The following TCF20 variants were observed in gnomAD, a reference collection of about 807,000 sequenced individuals.
The protein encoded by TCF20 is transcription factor 20, also known as SPRE-binding protein.
Under a neutral mutation model 148.6 loss-of-function variants are expected in TCF20, and 3 were observed. That is an observed-to-expected ratio of 0.02 (90% confidence interval 0.01 to 0.05). The LOEUF (loss-of-function observed/expected upper bound fraction) is 0.05, where lower values mean the gene tolerates loss of function less well. Ranked by LOEUF, TCF20 falls within the 10% of genes least tolerant of loss-of-function variation. The pLI is 1.00. For missense variants in TCF20, 2,350 were observed against 2,429.3 expected, an observed-to-expected ratio of 0.97 and a Z score of 0.69; for synonymous variants, 1,049 against 909.5, an observed-to-expected ratio of 1.15 and a Z score of -2.76.
At position 42,279,645 on chromosome 22, in the gene TCF20, G is replaced by A. The variant is rs1926857752; in HGVS notation, c.-37+4182C>T. On this transcript the variant is annotated intron_variant, in intron 1 of 5. Transcript: ENST00000359486. The surrounding 1 kb of genome is among the most constrained non-coding windows in gnomAD (Gnocchi z 4.3). The stretch of plus-strand genomic sequence containing the variant: ...GCTTCTCAGTGCCACAAGTGCTGTT[G>A]CCATCATTCCAGCCTCAGGTGCTCC... Among the ~76,000 whole-genome samples the A allele has an allele frequency of 6.6e-6, 1 of 152,172 alleles. No homozygotes were observed. The highest frequency in any genetic ancestry group is 1.5e-5 in the Non-Finnish European group (1 of 68,040).
chr22:42,207,015 G>T (rs1472804262), intron 2 of TCF20, among the ~76,000 whole-genome samples: 1 of 152,210 alleles, frequency 6.6e-6, no homozygotes, highest in African/African-American at 2.4e-5. Context: ...GAAGCAGACA[G>T]TAATGATGAG....
intron 1 of TCF20, among the ~76,000 whole-genome samples, chr22:42,234,621 C>G (rs188682180): frequency 2.0e-5 from 3 of 152,200 alleles, no homozygotes; most frequent in Admixed American, 2.0e-4. Context: ...TGTCCATAAG[C>G]TAAAAGTCCT....
At chr22:42,239,468 A>C (rs1167143021) in intron 1 of TCF20, among the ~76,000 whole-genome samples, 1 of 133,224 alleles carries the variant, frequency 7.5e-6, no homozygotes. Context: ...AAGAGTGAAA[A>C]TCTCTCTCAG....
At chr22:42,237,442 C>A (rs957422375) in intron 1 of TCF20, among the ~76,000 whole-genome samples, 1 of 152,228 alleles carries the variant, frequency 6.6e-6, no homozygotes, top group Admixed American at 6.5e-5. Flanking sequence ...CCTGCCTCCA[C>A]TGAAGTCCTG....
intron 2 of TCF20, among the ~76,000 whole-genome samples, chr22:42,187,470 G>A (rs1366814178): frequency 1.3e-5 from 2 of 152,184 alleles, no homozygotes; most frequent in African/African-American, 4.8e-5. Context: ...TGTCTCTGTG[G>A]CTGAGTGGTG....
chr22:42,283,004 C>A (rs1285114468), intron 1 of TCF20, among the ~76,000 whole-genome samples: 2 of 152,236 alleles, frequency 1.3e-5, no homozygotes. Context: ...GCCAAATTTG[C>A]ATTTACCACA....
chr22:42,174,898 G>A (rs979487432), intron 3 of TCF20, among the ~76,000 whole-genome samples: 4 of 152,018 alleles, frequency 2.6e-5, no homozygotes, highest in African/African-American at 4.8e-5. Flanking sequence ...AGCCGGGCGT[G>A]GCGGCGGGCG....
chr22:42,236,051 G>A (rs1923854386), intron 1 of TCF20, among the ~76,000 whole-genome samples: 1 of 152,016 alleles, frequency 6.6e-6, no homozygotes, highest in African/African-American at 2.4e-5. Flanking sequence ...AAAATTAGCT[G>A]GGCATGGTGG....
At chr22:42,327,740 C>G (rs1421765094) in intron 1 of TCF20, among the ~76,000 whole-genome samples, 2 of 151,360 alleles carry the variant, frequency 1.3e-5, no homozygotes, top group Non-Finnish European at 2.9e-5. Context: ...GCTCTAAGGA[C>G]ATTCCAGATT....
chr22:42,215,706 C>T (rs897587629), intron 1 of TCF20, among the ~76,000 whole-genome samples: 12 of 152,058 alleles, frequency 7.9e-5, no homozygotes, highest in Non-Finnish European at 1.5e-4. Context: ...CTCCTGACCT[C>T]GTGATCCGCC....
Position 42,297,712 on chromosome 22 carries a change from C to T in TCF20, c.-37+45767G>A, listed in dbSNP as rs1335220911. Among the ~76,000 whole-genome samples the T allele has an allele frequency of 6.6e-6, 1 of 152,212 alleles. No homozygotes were observed. Among genetic ancestry groups the T allele is most frequent in the Non-Finnish European group, 1.5e-5 (1 of 68,038 alleles). On this transcript the variant is annotated intron_variant, in intron 1 of 1. Transcript: ENST00000515426. The surrounding 1 kb of genome is among the most constrained non-coding windows in gnomAD (Gnocchi z 4.3). Reference sequence around the variant, plus strand: ...AGAATCTTGAGCCACACAATTCAGACAAATGTGTGTGGACTCCCCTCTTGC... The same window carrying T: ...AGAATCTTGAGCCACACAATTCAGATAAATGTGTGTGGACTCCCCTCTTGC...
chr22:42,212,160 T>C lies in TCF20; in HGVS notation c.3146A>G (p.His1049Arg). 1.2e-6 allele frequency: 2 copies of C among 1,614,152 alleles called. No homozygotes were observed. The highest frequency in any genetic ancestry group is 2.2e-5 in the East Asian group (1 of 44,892). ...FSERANRSSL[H>R]TPFSPNSETL... ...TTCTGAGTTGGGAGAAAAGGGAGTG[T>C]GTAAAGAACTCCGGTTAGCCCTCTC... is the stretch of plus-strand genomic sequence containing the variant. The change falls in exon 2 of 6, where the codon CAC (histidine) becomes CGC (arginine). Residue 1049 changes from histidine to arginine, a missense_variant. His to Arg is a conservative substitution (Grantham distance 29). Around this residue, in one of 7 missense-constraint regions of TCF20, gnomAD observed 1,641 missense variants for 1,662.6 expected, o/e 0.99. Transcript: ENST00000677622.
intron 1 of TCF20, among the ~76,000 whole-genome samples, chr22:42,226,229 G>C (rs1922880003): frequency 6.6e-6 from 1 of 152,222 alleles, no homozygotes; most frequent in South Asian, 2.1e-4. Context: ...GGGCTAGCTA[G>C]AGGCTCCTGT....
Position 42,211,968 on chromosome 22 carries a change from T to C in TCF20, c.3338A>G (p.Gln1113Arg). Reference protein sequence around the residue: ...GSAQGVIAAAQHRQEGPRKSP... With the variant: ...GSAQGVIAAARHRQEGPRKSP... ...CTTCCGTGGCCCCTCCTGCCTGTGC[T>C]GTGCTGCAGCAATTACTCCCTGAGC... The change falls in exon 2 of 6, where the codon CAG becomes CGG. Residue 1113 changes from glutamine (Q) to arginine (R), a missense_variant. Transcript: ENST00000677622. 6.2e-7 allele frequency: 1 copy of C among 1,614,224 alleles called. No homozygotes were observed. The highest frequency in any genetic ancestry group is 8.5e-7 in the Non-Finnish European group (1 of 1,180,030).
intron 1 of TCF20, among the ~76,000 whole-genome samples, chr22:42,236,667 T>A (rs557049804): frequency 6.6e-6 from 1 of 152,130 alleles, no homozygotes; most frequent in African/African-American, 2.4e-5. Flanking sequence ...CAATCCTAAA[T>A]TTTGAAAATA....
rs1471679281 is a variant in TCF20 at position 42,213,291 on chromosome 22, T to C, written c.2015A>G (p.Asn672Ser). The change falls in exon 2 of 6, where the codon AAC becomes AGC. Residue 672 changes from asparagine (N) to serine (S), a missense_variant. This residue lies in a region of TCF20 where 1,641 missense variants were observed against 1,662.6 expected (regional missense o/e 0.99). Coordinates refer to ENST00000677622, the MANE Select transcript of TCF20 (RefSeq NM_001378418.1). ...GSKGNKNGDN[N>S]SNHNGEGNGQ... ...ATTTCCTTCTCCATTATGGTTGGAG[T>C]TGTTATCGCCATTCTTGTTTCCTTT... is the stretch of plus-strand genomic sequence containing the variant. 4 of 1,613,924 alleles carry C rather than the reference T, an allele frequency of 2.5e-6. No individual in the cohort carries two copies. The highest frequency in any genetic ancestry group is 2.5e-6 in the Non-Finnish European group (3 of 1,179,970).
chr22:42,164,546 A>C (rs1935667016), intron 5 of TCF20, among the ~76,000 whole-genome samples: 1 of 152,132 alleles, frequency 6.6e-6, no homozygotes, highest in Non-Finnish European at 1.5e-5. Context: ...TTTCTTTAAC[A>C]CAGACTCACT....
chr22:42,307,092 C>A (rs1194778700), intron 1 of TCF20, among the ~76,000 whole-genome samples: 2 of 150,538 alleles, frequency 1.3e-5, no homozygotes, highest in Non-Finnish European at 3.0e-5. Flanking sequence ...CAGGGCCGGG[C>A]ACCAACCCGA....
At position 42,275,967 on chromosome 22, in the gene TCF20, G is replaced by A. The variant is rs550623323; in HGVS notation, c.-37+7860C>T. 4.6e-5 allele frequency among the ~76,000 whole-genome samples: 7 copies of A among 152,298 alleles called. No individual in the cohort carries two copies. The South Asian group carries it at 6.2e-4, about 14-fold the overall frequency. ...AGGAAACTGAGGCACAGAGCAGCTC[G>A]GAGGGGGCAGAGCTGAATCTGACAG... On this transcript the variant is annotated intron_variant, in intron 1 of 5. Coordinates refer to the TCF20 transcript ENST00000359486.
Sources: allele counts gnomAD v4.1 joint callset (sites outside exome capture counted in the v4.1 genomes callset), GRCh38; gene constraint gnomAD v4.1.1; regional missense constraint gnomAD v4.1.1; non-coding constraint Gnocchi (gnomAD v3.1); transcripts MANE v1.5; gene names NCBI Gene and HGNC (gene_info 2026-07-23, HGNC 2026-07-21).